ACOT7: variants seen among roughly 807,000 people sequenced by gnomAD.
The protein encoded by ACOT7 is acyl-CoA thioesterase 7.
ACOT7 carries 12 observed loss-of-function variants against 40.2 expected under a neutral mutation model. The observed-to-expected ratio is 0.30, with a 90% CI of 0.19 to 0.48. The LOEUF is 0.48. Among genes scored for constraint, ACOT7 ranks in the 20% least tolerant of loss-of-function variants. ACOT7 has a pLI of 0.99. For missense variants in ACOT7, 395 were observed against 530.8 expected (o/e 0.74, Z 2.51); for synonymous variants, 228 against 219.5 (o/e 1.04, Z -0.34).
At chr1:6,302,493 G>C (rs1239030876) in intron 6 of ACOT7, among the ~76,000 whole-genome samples, 1 of 152,014 alleles carries the variant, frequency 6.6e-6, no homozygotes, top group Non-Finnish European at 1.5e-5. Flanking sequence ...CGAGAAGACG[G>C]ACCTGGCGAA....
At chr1:6,320,645 A>G (rs1640618985) in intron 5 of ACOT7, among the ~76,000 whole-genome samples, 1 of 152,124 alleles carries the variant, frequency 6.6e-6, no homozygotes, top group African/African-American at 2.4e-5. Flanking sequence ...CACACTCTAG[A>G]CATGGTATTT....
intron 8 of ACOT7, among the ~76,000 whole-genome samples, chr1:6,267,721 T>G (rs1638894225): frequency 6.6e-6 from 1 of 152,248 alleles, no homozygotes; most frequent in Non-Finnish European, 1.5e-5. Flanking sequence ...GCCCCGCCTC[T>G]GGGATGGGCT....
Position 6,306,064 on chromosome 1 carries a change from C to T in ACOT7, c.713-11084G>A, listed in dbSNP as rs2148408356. 6.6e-6 allele frequency among the ~76,000 whole-genome samples: 1 copy of T among 152,186 alleles called. No individual in the cohort carries two copies. Among genetic ancestry groups the T allele is most frequent in the Admixed American group, 6.5e-5 (1 of 15,296 alleles). On this transcript the variant is annotated intron_variant, in intron 6 of 8. Coordinates refer to ENST00000361521, the MANE Select transcript of ACOT7 (RefSeq NM_007274.4). This position sits in a 1 kb window ranked among gnomAD's most constrained non-coding sequence, Gnocchi z 4.3. ...ACCAGTCAGGCGTGGCGGCGCGCGC[C>T]TGCAATCGCAGGCACTCGGCAGGCT...
chr1:6,387,044 G>C (rs986717454), intron 1 of ACOT7, among the ~76,000 whole-genome samples: 2 of 152,138 alleles, frequency 1.3e-5, no homozygotes, highest in African/African-American at 4.8e-5. Context: ...GCAGTGTGCA[G>C]GGAACAGGGT....
Position 6,358,626 on chromosome 1 carries a change from G to A in ACOT7, c.144-8760C>T, listed in dbSNP as rs1479501694. Reference sequence around the variant, plus strand: ...GGCCTGCACTTCCTATCCCAGCTTCGGCTGACCACCTAATCTTGGGGGTCA... The same window carrying A: ...GGCCTGCACTTCCTATCCCAGCTTCAGCTGACCACCTAATCTTGGGGGTCA... On this transcript the variant is annotated intron_variant, in intron 1 of 8. Coordinates refer to ENST00000361521, the MANE Select transcript of ACOT7 (RefSeq NM_007274.4). The surrounding 1 kb of genome is among the most constrained non-coding windows in gnomAD (Gnocchi z 4.1). 3.9e-5 allele frequency among the ~76,000 whole-genome samples: 6 copies of A among 152,318 alleles called. No individual in the cohort carries two copies. Among genetic ancestry groups the A allele is most frequent in the East Asian group, 3.9e-4 (2 of 5,182 alleles).
Position 6,299,399 on chromosome 1 carries a change from A to G in ACOT7, c.713-4419T>C, listed in dbSNP as rs1639900792. Among the ~76,000 whole-genome samples the G allele has an allele frequency of 6.6e-6, 1 of 152,240 alleles. No homozygotes were observed. Among genetic ancestry groups the G allele is most frequent in the South Asian group, 2.1e-4 (1 of 4,832 alleles). On this transcript the variant is annotated intron_variant, in intron 6 of 8. Transcript: ENST00000361521. This position sits in a 1 kb window ranked among gnomAD's most constrained non-coding sequence, Gnocchi z 4.1. Reference sequence around the variant, plus strand: ...ATGAAATAACTCAGAACACCAGGTAACATGCTGGCTGAGAACCCCACACAC... The same window carrying G: ...ATGAAATAACTCAGAACACCAGGTAGCATGCTGGCTGAGAACCCCACACAC...
At chr1:6,291,050 G>A (rs1024891951) in intron 7 of ACOT7, among the ~76,000 whole-genome samples, 2 of 152,150 alleles carry the variant, frequency 1.3e-5, no homozygotes, top group Admixed American at 6.5e-5. Context: ...GAATCCCAGA[G>A]GGGATTTTAT....
chr1:6,381,582 G>C (rs76321613), intron 1 of ACOT7, among the ~76,000 whole-genome samples: 1,741 of 151,966 alleles, frequency 0.011, 48 homozygotes, highest in African/African-American at 0.04. Context: ...TACACTGTCG[G>C]TGGAAATGTA....
intron 8 of ACOT7, among the ~76,000 whole-genome samples, chr1:6,272,064 C>CT (rs1300810184): frequency 2.6e-5 from 4 of 152,252 alleles, no homozygotes; most frequent in African/African-American, 9.6e-5. Flanking sequence ...ATGATCATAG[C>CT]TGTCACCTGC....
rs1452969333 is a variant in ACOT7, at chr1:6,306,872, G to A, written c.712+11620C>T. 3 of 1,289,164 alleles carry A rather than the reference G, an allele frequency of 2.3e-6. No homozygotes were observed. In the East Asian group the frequency reaches 1.7e-4, roughly 72 times the overall value. The allele number at this position is 1,289,164 out of a possible 1,614,324, so 79.9% of individuals were successfully genotyped here. A position where few individuals can be genotyped will look rare whatever the true frequency, so the allele number is the denominator to read the frequency against. On this transcript the variant is annotated intron_variant, in intron 6 of 8. Transcript: ENST00000361521. The surrounding 1 kb of genome is among the most constrained non-coding windows in gnomAD (Gnocchi z 4.3). ...CCCTCTTTTGCATTTTTCAGTGAAA[G>A]TCAACTCCTCCTGCAGGTGCAAAAG...
chr1:6,365,748 A>G (rs991174288), intron 1 of ACOT7, among the ~76,000 whole-genome samples: 1 of 135,776 alleles, frequency 7.4e-6, no homozygotes, highest in African/African-American at 2.9e-5. Flanking sequence ...AGCCTGGGCA[A>G]CAGAGCAAGA....
intron 2 of ACOT7, among the ~76,000 whole-genome samples, chr1:6,343,367 G>C (rs1483710132): frequency 6.6e-6 from 1 of 152,228 alleles, no homozygotes; most frequent in Non-Finnish European, 1.5e-5. Context: ...AGGTAGGCTG[G>C]GAGCCTCTGT....
In ACOT7 at chr1:6,294,704, G is replaced by T. The variant is rs72854330; in HGVS notation, c.829+160C>A. Among the ~76,000 whole-genome samples the T allele has an allele frequency of 3.1e-3, 467 of 152,296 alleles. 1 individual carries two copies. The highest frequency in any genetic ancestry group is 0.011 in the African/African-American group (438 of 41,556). The stretch of plus-strand genomic sequence containing the variant: ...GATTGAAACATCAAGTCAATAAACA[G>T]CAAGGACAAAGAAAGAAACCTCAGC... On this transcript the variant is annotated intron_variant, in intron 7 of 8. Transcript: ENST00000361521. The surrounding 1 kb of genome is among the most constrained non-coding windows in gnomAD (Gnocchi z 4.6).
chr1:6,385,972 G>A, intron 1 of ACOT7: 4 of 287,580 alleles, frequency 1.4e-5, no homozygotes, highest in South Asian at 1.3e-4. Context: ...TGCGGGAGAG[G>A]ATGAACTGGG....
chr1:6,305,035 G>A (rs1265956745), intron 6 of ACOT7, among the ~76,000 whole-genome samples: 58 of 134,496 alleles, frequency 4.3e-4, no homozygotes, highest in East Asian at 3.7e-3. Context: ...TGACCCCCCC[G>A]CCTCCCTCCC....
intron 6 of ACOT7, among the ~76,000 whole-genome samples, chr1:6,307,317 G>C (rs546552702): frequency 6.6e-6 from 1 of 152,246 alleles, no homozygotes; most frequent in Non-Finnish European, 1.5e-5. Flanking sequence ...AGCACAGTCC[G>C]CAGTCCTTCC....
chr1:6,327,703 G>A (rs2148431163), intron 4 of ACOT7, among the ~76,000 whole-genome samples: 1 of 152,312 alleles, frequency 6.6e-6, no homozygotes, highest in Non-Finnish European at 1.5e-5. Flanking sequence ...GAGCTTAAAA[G>A]CAACCGTGTA....
chr1:6,276,459 CG>C (rs1451973711), intron 8 of ACOT7, among the ~76,000 whole-genome samples: 1 of 151,944 alleles, frequency 6.6e-6, no homozygotes, highest in Non-Finnish European at 1.5e-5. Flanking sequence ...CTGCCCGGAG[CG>C]GGTGCGGCAG....
chr1:6,339,787 T>A (rs1429725581), intron 2 of ACOT7, among the ~76,000 whole-genome samples, 198 bp from the exon 3 acceptor site: 1 of 143,632 alleles, frequency 7.0e-6, no homozygotes, highest in Admixed American at 7.0e-5. Context: ...TCACCCAGGC[T>A]GGAGTGCAGT....
Sources: allele counts gnomAD v4.1 joint callset (sites outside exome capture counted in the v4.1 genomes callset), GRCh38; gene constraint gnomAD v4.1.1; non-coding constraint Gnocchi (gnomAD v3.1); transcripts MANE v1.5; gene names NCBI Gene and HGNC (gene_info 2026-07-23, HGNC 2026-07-21).